NTRK1: variants seen among roughly 807,000 people sequenced by gnomAD.
NTRK1 encodes high affinity nerve growth factor receptor.
A neutral mutation model predicts 86.8 loss-of-function variants in NTRK1; 62 were observed. That is an observed-to-expected ratio of 0.71 (90% CI 0.58 to 0.88). The LOEUF (loss-of-function observed/expected upper bound fraction) is 0.88, where lower values mean the gene tolerates loss of function less well. NTRK1 is among the 40% of genes least tolerant of loss of function. NTRK1 has a pLI of 0.00. For missense variants in NTRK1, 967 were observed against 1,078.4 expected, an observed-to-expected ratio of 0.90 and a Z score of 1.45; for synonymous variants, 469 against 456.6, an observed-to-expected ratio of 1.03 and a Z score of -0.35.
Position 156,848,554 on chromosome 1 carries a change from T to TA in NTRK1, c.50+6365dup, listed in dbSNP as rs143490646. ...AATGAAATGCTGGCAGAGCTGCTCA[T>TA]AAAACTGGCCAAATTAGTGGGCGCT... On this transcript the variant is annotated intron_variant, in intron 2 of 16. Transcript: ENST00000392302. Among the ~76,000 whole-genome samples, 837 of 152,314 alleles carry TA rather than the reference T, an allele frequency of 5.5e-3. 11 individuals carry two copies. The highest frequency in any genetic ancestry group is 0.019 in the African/African-American group (809 of 41,566).
At position 156,833,748 on chromosome 1, in the gene NTRK1, T is replaced by C. The variant is rs575967393; in HGVS notation, c.-63-8333T>C. Among the ~76,000 whole-genome samples the C allele has an allele frequency of 7.9e-5, 12 of 152,312 alleles. No homozygotes were observed. The East Asian group carries it at 2.1e-3, about 27-fold the overall frequency. ...ACTCTGCCAACCACACTTCCCAGAC[T>C]CCTTTGCCCGTTCTGTTAGGTTCTG... On this transcript the variant is annotated intron_variant, in intron 1 of 16. Coordinates refer to the NTRK1 transcript ENST00000392302.
chr1:156,846,228 T>C, intron 2 of NTRK1: 1 of 1,172,094 alleles, frequency 8.5e-7, no homozygotes, highest in Non-Finnish European at 1.2e-6. Flanking sequence ...TCCCAAAGAA[T>C]AGGTGATCCT....
intron 1 of NTRK1, chr1:156,842,053 A>G (rs1654812039): frequency 6.2e-7 from 1 of 1,606,516 alleles, no homozygotes; most frequent in Admixed American, 1.7e-5. Context: ...CCTGATGCCT[A>G]GCTTAAGGGA....
Position 156,879,132 on chromosome 1 carries a change from C to A in NTRK1, c.1816C>A (p.Pro606Thr). ...DLNRFLRSHG[P>T]DAKLLAGGED... is the part of the protein sequence containing the mutation. ...TTTTCTTGTTCACAGATCCCATGGA[C>A]CTGATGCCAAGCTGCTGGCTGGTGG... Residue 606 changes from proline (P) to threonine (T), a missense_variant, in exon 15 of 17, where the codon CCT (proline) becomes ACT (threonine). Around this residue, in one of 2 missense-constraint regions of NTRK1, gnomAD observed 637 missense variants for 776.5 expected, o/e 0.82. Coordinates refer to ENST00000524377, the MANE Select transcript of NTRK1 (RefSeq NM_002529.4). 6.2e-7 allele frequency: 1 copy of A among 1,613,970 alleles called. No homozygotes were observed. The highest frequency in any genetic ancestry group is 8.5e-7 in the Non-Finnish European group (1 of 1,179,978).
At position 156,879,311 on chromosome 1, in the gene NTRK1, G is replaced by A. The variant is rs553270591; in HGVS notation, c.1995G>A (p.Lys665=). 1.8e-4 allele frequency: 288 copies of A among 1,612,758 alleles called. 3 individuals are homozygous for A. The South Asian group carries it at 3.0e-3, about 17-fold the overall frequency. The change falls in exon 15 of 17, where the codon AAG becomes AAA. Residue 665 remains lysine (K), a synonymous_variant. Transcript: ENST00000524377. ...NCLVGQGLVV[K]IGDFGMSRDI... ...TAGTGGGCCAGGGACTGGTGGTCAA[G>A]ATTGGTGATTTTGGCATGAGCAGGG...
chr1:156,857,744 G>A (rs753942260), upstream of NTRK1, among the ~76,000 whole-genome samples: 7 of 152,178 alleles, frequency 4.6e-5, no homozygotes, highest in Non-Finnish European at 1.0e-4. Context: ...AGGACCTCTC[G>A]GGCAAGCACA....
intron 1 of NTRK1, among the ~76,000 whole-genome samples, chr1:156,824,700 G>C (rs528896155): frequency 2.8e-4 from 43 of 152,316 alleles, no homozygotes; most frequent in Non-Finnish European, 5.7e-4. Context: ...GAAAGAGCAT[G>C]ACATGTTTGT....
intron 2 of NTRK1, chr1:156,844,383 C>A (rs187764181): frequency 1.3e-6 from 2 of 1,489,026 alleles, no homozygotes; most frequent in Non-Finnish European, 9.2e-7. Context: ...GGGAGGGATG[C>A]GGGGGAGGGG....
At chr1:156,823,459 G>T (rs1654240516) in intron 1 of NTRK1, among the ~76,000 whole-genome samples, 1 of 152,176 alleles carries the variant, frequency 6.6e-6, no homozygotes, top group Admixed American at 6.5e-5. Context: ...GTGCCTCTTT[G>T]CTGTGAAATG....
chr1:156,880,834 C>G (rs1019550250), intron 16 of NTRK1, among the ~76,000 whole-genome samples: 3 of 152,232 alleles, frequency 2.0e-5, no homozygotes, highest in Non-Finnish European at 4.4e-5. Flanking sequence ...AAAAGAGGCT[C>G]CAGGCCCCTT....
chr1:156,873,925 C>T lies in NTRK1; in HGVS notation c.1143C>T (p.Asn381=), dbSNP rs374700842. Reference sequence around the variant, plus strand: ...CCATCATGGCTGCCTTCATGGACAACCCTTTCGAGTTCAACCCCGAGGACC... The same window carrying T: ...CCATCATGGCTGCCTTCATGGACAATCCTTTCGAGTTCAACCCCGAGGACC... ...SASIMAAFMD[N]PFEFNPEDPI... The change falls in exon 8 of 17, where the codon AAC becomes AAT. Residue 381 remains asparagine, a synonymous_variant. Transcript: ENST00000524377. 4 of 1,560,128 alleles carry T rather than the reference C, an allele frequency of 2.6e-6. No homozygotes were observed. Among genetic ancestry groups the T allele is most frequent in the East Asian group, 2.4e-5 (1 of 41,600 alleles).
In NTRK1 at chr1:156,873,908, G is replaced by C. The variant is rs551687143; in HGVS notation, c.1126G>C (p.Ala376Pro). 6.4e-7 allele frequency: 1 copy of C among 1,569,392 alleles called. No homozygotes were observed. The highest frequency in any genetic ancestry group is 1.4e-5 in the African/African-American group (1 of 73,912). The part of the protein sequence containing the change: ...PFGQASASIM[A>P]AFMDNPFEFN... ...CGGCCAGGCCTCCGCCTCCATCATG[G>C]CTGCCTTCATGGACAACCCTTTCGA... Residue 376 changes from alanine to proline, a missense_variant, in exon 8 of 17, where the codon GCT becomes CCT. Transcript: ENST00000524377.
At chr1:156,874,736 G>C (rs2102910975) in intron 10 of NTRK1, 110 bp downstream of exon 10, 1 of 1,310,586 alleles carries the variant, frequency 7.6e-7, no homozygotes, top group Non-Finnish European at 1.1e-6. Context: ...CATCTGGCCT[G>C]AGCTCTGACG....
chr1:156,842,890 A>G (rs1452367216), intron 2 of NTRK1: 1 of 817,284 alleles, frequency 1.2e-6, no homozygotes, highest in African/African-American at 1.7e-5. Context: ...GATCCTAACC[A>G]TGGTCCCAAT....
At position 156,879,107 on chromosome 1, in the gene NTRK1, T is replaced by G; in HGVS notation, c.1806-15T>G. The G allele has an allele frequency of 1.2e-6, 2 of 1,611,890 alleles. No homozygotes were observed. The highest frequency in any genetic ancestry group is 1.7e-6 in the Non-Finnish European group (2 of 1,179,618). ...TATCCTCCCAGCCTATCCCCTCTCC[T>G]TTTCTTGTTCACAGATCCCATGGAC... On this transcript the variant is annotated splice_polypyrimidine_tract_variant and intron_variant, in intron 14 of 16. Coordinates refer to ENST00000524377, the MANE Select transcript of NTRK1 (RefSeq NM_002529.4).
Position 156,873,817 on chromosome 1 carries a change from T to A in NTRK1, c.1035T>A (p.Cys345Ter), listed in dbSNP as rs1571696064. The part of the protein sequence containing the change: ...PAANETVRHG[C>*]LRLNQPTHVN... Reference sequence around the variant, plus strand: ...CCAATGAGACCGTGCGGCACGGGTGTCTGCGCCTCAACCAGCCCACCCACG... The same window carrying A: ...CCAATGAGACCGTGCGGCACGGGTGACTGCGCCTCAACCAGCCCACCCACG... The change falls in exon 8 of 17, where the codon TGT becomes TGA. Residue 345 changes from cysteine (C) to a stop codon, truncating the protein, a stop_gained. Coordinates refer to ENST00000524377, the MANE Select transcript of NTRK1 (RefSeq NM_002529.4). LOFTEE classifies it high-confidence loss of function. 1 of 1,612,522 alleles carries A rather than the reference T, an allele frequency of 6.2e-7. No individual in the cohort carries two copies. The highest frequency in any genetic ancestry group is 8.5e-7 in the Non-Finnish European group (1 of 1,179,396).
intron 1 of NTRK1, chr1:156,841,148 T>C: frequency 7.0e-7 from 1 of 1,434,338 alleles, no homozygotes; most frequent in South Asian, 1.2e-5. Flanking sequence ...CGGGAGCCCC[T>C]GCCACGCTCT....
rs772229945 is a variant in NTRK1, at chr1:156,876,562, C to T, written c.1795C>T (p.Arg599Cys). ...GTATATGCGGCACGGGGACCTCAAC[C>T]GCTTCCTCCGGTACCAGCACCTGGC... is the stretch of plus-strand genomic sequence containing the variant. ...FEYMRHGDLN[R>C]FLRSHGPDAK... Residue 599 changes from arginine (R) to cysteine (C), a missense_variant, in exon 14 of 17, where the codon CGC (arginine) becomes TGC (cysteine). Arg to Cys is a radical substitution (Grantham distance 180). Coordinates refer to ENST00000524377, the MANE Select transcript of NTRK1 (RefSeq NM_002529.4). 10 of 1,611,990 alleles carry T rather than the reference C, an allele frequency of 6.2e-6. No homozygotes were observed. Among genetic ancestry groups the T allele is most frequent in the Non-Finnish European group, 7.6e-6 (9 of 1,179,658 alleles).
At chr1:156,834,232 G>A (rs961681893) in intron 1 of NTRK1, among the ~76,000 whole-genome samples, 7 of 152,144 alleles carry the variant, frequency 4.6e-5, no homozygotes, top group African/African-American at 1.7e-4. Context: ...GGAGGGAATG[G>A]GGACAGATGT....
Sources: allele counts gnomAD v4.1 joint callset (sites outside exome capture counted in the v4.1 genomes callset), GRCh38; gene constraint gnomAD v4.1.1; regional missense constraint gnomAD v4.1.1; transcripts MANE v1.5; gene names NCBI Gene and HGNC (gene_info 2026-07-23, HGNC 2026-07-21).